Variants in COG1 observed in about 807,000 individuals in gnomAD.
COG1 encodes conserved oligomeric Golgi complex subunit 1.
Under a neutral mutation model 102.2 loss-of-function variants are expected in COG1, and 61 were observed. The ratio of observed to expected loss-of-function variants is 0.60; its 90% CI spans 0.49 to 0.74. COG1 has a LOEUF of 0.74. COG1 is among the 30% of genes least tolerant of loss of function. The probability of loss-of-function intolerance (pLI) is 0.00; values close to 1 mark genes in which losing one functional copy is unlikely to be tolerated. For synonymous variants in COG1, 454 were observed against 493.6 expected (o/e 0.92, Z 1.06); for missense variants, 1,164 against 1,232.1 (o/e 0.94, Z 0.83).
chr17:73,208,044 T>C, intron 13 of COG1: 1 of 1,362,316 alleles, frequency 7.3e-7, no homozygotes. Flanking sequence ...CTGCCCACAT[T>C]AGGTTAGCAG....
At chr17:73,197,506 T>C in intron 4 of COG1, 110 bp downstream of exon 4, 1 of 1,189,604 alleles carries the variant, frequency 8.4e-7, no homozygotes, top group African/African-American at 1.5e-5. Context: ...AGCAGTGAAC[T>C]GGACAAATAG....
chr17:73,199,886 A>T lies in COG1; in HGVS notation c.935A>T (p.Gln312Leu). 1 of 1,614,230 alleles carries T rather than the reference A, an allele frequency of 6.2e-7. No individual in the cohort carries two copies. The highest frequency in any genetic ancestry group is 8.5e-7 in the Non-Finnish European group (1 of 1,180,040). ...TTAGGAAAGGGCACTGGTGTCCTGC[A>T]GGAAGAGATGAAACTCTGCAGCTGG... ...HPAGKGTGVL[Q>L]EEMKLCSWFK... Residue 312 changes from glutamine (Q) to leucine (L), a missense_variant, in exon 5 of 14, where the codon CAG (glutamine) becomes CTG (leucine). Gln to Leu is a moderately radical substitution (Grantham distance 113, BLOSUM62 -2). Coordinates refer to ENST00000299886, the MANE Select transcript of COG1 (RefSeq NM_018714.3).
chr17:73,204,661 G>C (rs2084916141), intron 9 of COG1, among the ~76,000 whole-genome samples: 1 of 151,452 alleles, frequency 6.6e-6, no homozygotes, highest in Admixed American at 6.6e-5. Flanking sequence ...CCAGGCTCAG[G>C]AGATTCTCCC....
At position 73,197,533 on chromosome 17, in the gene COG1, G is replaced by C; in HGVS notation, c.913+137G>C. ...GACAAATAGAGGCCCTTCCTTCATC[G>C]AGGCCACAGTTGAGTGGTAGAAGCA... On this transcript the variant is annotated intron_variant, in intron 4 of 13. Transcript: ENST00000299886. 3 of 885,224 alleles carry C rather than the reference G, an allele frequency of 3.4e-6. No homozygotes were observed. In the Admixed American group the frequency reaches 6.1e-5, roughly 18 times the overall value. 54.8% of individuals were successfully genotyped at this position (885,224 alleles called of 1,614,324 possible). A position where few individuals can be genotyped will look rare whatever the true frequency, so the allele number is the denominator to read the frequency against.
chr17:73,197,813 GAC>G (rs1466260973), intron 4 of COG1, among the ~76,000 whole-genome samples: 1 of 152,160 alleles, frequency 6.6e-6, no homozygotes, highest in East Asian at 1.9e-4. Flanking sequence ...GAAACTGTAA[GAC>G]AGCCAGTGAG....
intron 8 of COG1, 107 bp downstream of exon 8, chr17:73,203,253 A>G: frequency 7.1e-7 from 1 of 1,404,162 alleles, no homozygotes; most frequent in Non-Finnish European, 9.8e-7. Flanking sequence ...AGCTGAAAGT[A>G]ACATCTGTAA....
At chr17:73,203,417 C>A (rs2061355009) in intron 8 of COG1, 1 of 708,104 alleles carries the variant, frequency 1.4e-6, no homozygotes, top group South Asian at 1.8e-5. Context: ...AACACAGGCA[C>A]CTCTTCGAGA....
At position 73,208,323 on chromosome 17, in the gene COG1, C is replaced by T; in HGVS notation, c.2815C>T (p.Pro939Ser). Residue 939 changes from proline to serine, a missense_variant, in exon 14 of 14, where the codon CCG becomes TCG. Transcript: ENST00000299886. ...NIETKAQVVP[P>S]ARSTAGDPTV... ...CTACATCCAATGGCAGGTTGTCCCC[C>T]CGGCACGCTCCACAGCTGGTGACCC... is the stretch of plus-strand genomic sequence containing the variant. The T allele has an allele frequency of 6.2e-7, 1 of 1,613,768 alleles. No individual in the cohort carries two copies. The highest frequency in any genetic ancestry group is 1.7e-4 in the Middle Eastern group (1 of 5,724).
At chr17:73,205,961 G>A (rs201567607) in intron 10 of COG1, 193 bp from the exon 11 acceptor site, 11 of 506,928 alleles carry the variant, frequency 2.2e-5, no homozygotes, top group Non-Finnish European at 3.4e-5. Flanking sequence ...TAGACAGAAC[G>A]GGGGAAAGGG....
chr17:73,206,178 G>A lies in COG1; in HGVS notation c.2535G>A (p.Leu845=), dbSNP rs1429289390. The change falls in exon 11 of 14, where the codon CTG becomes CTA. Residue 845 remains leucine (L), a synonymous_variant. Transcript: ENST00000299886. The stretch of plus-strand genomic sequence containing the variant: ...GAATTGAGAAAGTGACTGACCACCT[G>A]GAAGCCCTCATTGATCCATTTGACC... ...DSRIEKVTDH[L]EALIDPFDLD... is the part of the protein sequence containing the mutation. 2 of 1,614,092 alleles carry A rather than the reference G, an allele frequency of 1.2e-6. No homozygotes were observed. Among genetic ancestry groups the A allele is most frequent in the Non-Finnish European group, 8.5e-7 (1 of 1,179,924 alleles).
chr17:73,194,614 C>T (rs2061318380), intron 1 of COG1, among the ~76,000 whole-genome samples: 1 of 152,032 alleles, frequency 6.6e-6, no homozygotes, highest in African/African-American at 2.4e-5. Context: ...CAGGCACCTG[C>T]CACCATGTCC....
At chr17:73,207,569 T>C in intron 13 of COG1, 1 of 720,048 alleles carries the variant, frequency 1.4e-6, no homozygotes, top group Admixed American at 2.4e-5. Context: ...ACTATCATTG[T>C]ACTTGTTTGG....
intron 8 of COG1, 128 bp downstream of exon 8, chr17:73,203,274 TGGGG>T: frequency 8.1e-7 from 1 of 1,235,028 alleles, no homozygotes; most frequent in Non-Finnish European, 1.1e-6. Context: ...TTTTCTACTG[TGGGG>T]GCATAGTAGA....
In COG1 at chr17:73,200,619, G is replaced by T. The variant is rs2145097008; in HGVS notation, c.1124G>T (p.Ser375Ile). Residue 375 changes from serine to isoleucine, a missense_variant, in exon 6 of 14, where the codon AGC (serine) becomes ATC (isoleucine). By Grantham distance (142) the Ser-to-Ile change is moderately radical (BLOSUM62 -2). Transcript: ENST00000299886. ...ACCAACCTGCTCATGTACGTGAAGAGCATGAAGGGTCTCGCGGGAATCCGG... is the reference window on the plus strand; with the variant it reads ...ACCAACCTGCTCATGTACGTGAAGATCATGAAGGGTCTCGCGGGAATCCGG... Reference protein sequence around the residue: ...GITNLLMYVKSMKGLAGIRDA... With the variant: ...GITNLLMYVKIMKGLAGIRDA... The T allele has an allele frequency of 6.2e-7, 1 of 1,614,192 alleles. No individual in the cohort carries two copies. Among genetic ancestry groups the T allele is most frequent in the South Asian group, 1.1e-5 (1 of 91,078 alleles).
Position 73,193,370 on chromosome 17 carries a change from C to G in COG1, c.301C>G (p.Pro101Ala). Residue 101 changes from proline (P) to alanine (A), a missense_variant, in exon 1 of 14, where the codon CCG (proline) becomes GCG (alanine). By Grantham distance (27) the Pro-to-Ala change is conservative. Coordinates refer to ENST00000299886, the MANE Select transcript of COG1 (RefSeq NM_018714.3). ...RQAGSAAPRP[P>A]RAQQPQQPSQ... ...GGCCGGCTCGGCCGCGCCCCGGCCA[C>G]CGCGGGCCCAGCAGGTCAGTCCCCG... 1.3e-6 allele frequency: 2 copies of G among 1,491,400 alleles called. No homozygotes were observed. The highest frequency in any genetic ancestry group is 1.8e-6 in the Non-Finnish European group (2 of 1,125,498). The allele number at this position is 1,491,400 out of a possible 1,614,324, so 92.4% of individuals were successfully genotyped here. A position where few individuals can be genotyped will look rare whatever the true frequency, so the allele number is the denominator to read the frequency against.
At chr17:73,201,985 T>C (rs2061348946) in intron 7 of COG1, 85 bp downstream of exon 7, 1 of 1,281,840 alleles carries the variant, frequency 7.8e-7, no homozygotes, top group South Asian at 1.2e-5. Flanking sequence ...CCTTCAGTAG[T>C]AAAGGCAAAA....
At position 73,193,116 on chromosome 17, in the gene COG1, G is replaced by T. The variant is rs527295185; in HGVS notation, c.47G>T (p.Arg16Leu). The change falls in exon 1 of 14, where the codon CGC becomes CTC. Residue 16 changes from arginine to leucine, a missense_variant. Coordinates refer to ENST00000299886, the MANE Select transcript of COG1 (RefSeq NM_018714.3). The stretch of plus-strand genomic sequence containing the variant: ...CCCGCGCTGAAGCGGCTGGATCTGC[G>T]CGACCCTGCGGCTCTTTTCGAGACG... The part of the protein sequence containing the change: ...TSPALKRLDL[R>L]DPAALFETHG... The T allele has an allele frequency of 1.3e-5, 21 of 1,611,576 alleles. No homozygotes were observed. The African/African-American group carries it at 1.7e-4, about 13-fold the overall frequency.
At chr17:73,195,936 A>G (rs1322327319) in intron 1 of COG1, among the ~76,000 whole-genome samples, 1 of 152,224 alleles carries the variant, frequency 6.6e-6, no homozygotes, top group Non-Finnish European at 1.5e-5. Context: ...AGGGACCTTA[A>G]GGGCATGATG....
At chr17:73,198,315 T>A (rs753133931) in intron 4 of COG1, among the ~76,000 whole-genome samples, 1 of 152,186 alleles carries the variant, frequency 6.6e-6, no homozygotes, top group Non-Finnish European at 1.5e-5. Flanking sequence ...GGGTTCACTT[T>A]GAAATGGCCC....
Sources: allele counts gnomAD v4.1 joint callset (sites outside exome capture counted in the v4.1 genomes callset), GRCh38; gene constraint gnomAD v4.1.1; transcripts MANE v1.5; gene names NCBI Gene and HGNC (gene_info 2026-07-23, HGNC 2026-07-21).